The following MYO18B variants were observed in gnomAD, a reference collection of about 807,000 sequenced individuals.
MYO18B encodes myosin XVIIIB, also known as unconventional myosin-XVIIIb.
A neutral mutation model predicts 273.0 loss-of-function variants in MYO18B; 204 were observed. The ratio of observed to expected loss-of-function variants is 0.75; its 90% CI spans 0.67 to 0.84. The LOEUF is 0.84. Among genes scored for constraint, MYO18B ranks in the 40% least tolerant of loss-of-function variants. The probability of loss-of-function intolerance (pLI) is 0.00; values close to 1 mark genes in which losing one functional copy is unlikely to be tolerated. For missense variants in MYO18B, 3,212 were observed against 3,287.6 expected (o/e 0.98, Z 0.56); for synonymous variants, 1,330 against 1,305.7 (o/e 1.02, Z -0.40).
At chr22:25,956,997 G>A in intron 39 of MYO18B, among the ~76,000 whole-genome samples, 1 of 152,184 alleles carries the variant, frequency 6.6e-6, no homozygotes, top group East Asian at 1.9e-4. Flanking sequence ...CCCAGACAAA[G>A]TCCAGGCCTC....
At chr22:25,757,030 C>G (rs1007892312) in intron 1 of MYO18B, among the ~76,000 whole-genome samples, 1 of 151,950 alleles carries the variant, frequency 6.6e-6, no homozygotes, top group Non-Finnish European at 1.5e-5. Context: ...CACTGCTCTC[C>G]GACTTGGGCA....
At chr22:25,856,215 T>A (rs188451505) in intron 21 of MYO18B, among the ~76,000 whole-genome samples, 1 of 152,324 alleles carries the variant, frequency 6.6e-6, no homozygotes, top group African/African-American at 2.4e-5. Context: ...CTTGTTTTGT[T>A]TTTTTGATAG....
chr22:25,953,831 T>C (rs1407864840), intron 38 of MYO18B, among the ~76,000 whole-genome samples: 3 of 152,132 alleles, frequency 2.0e-5, no homozygotes, highest in African/African-American at 7.2e-5. Context: ...CCACTATGAT[T>C]TGAATTTAGT....
At chr22:25,903,960 G>C in intron 31 of MYO18B, 129 bp downstream of exon 31, 1 of 1,009,220 alleles carries the variant, frequency 9.9e-7, no homozygotes, top group Non-Finnish European at 1.4e-6. Flanking sequence ...TTATCCCAGG[G>C]AACCTTTAAG....
intron 34 of MYO18B, among the ~76,000 whole-genome samples, chr22:25,937,413 T>C (rs1337154050): frequency 6.6e-6 from 1 of 152,004 alleles, no homozygotes; most frequent in Non-Finnish European, 1.5e-5. Context: ...TGATAAGTGA[T>C]GGTCTGGAGC....
chr22:25,778,835 T>C (rs183483903), intron 8 of MYO18B, among the ~76,000 whole-genome samples: 2 of 151,030 alleles, frequency 1.3e-5, no homozygotes, highest in African/African-American at 4.9e-5. Flanking sequence ...ATAAGGTAGG[T>C]ATTATTATTT....
intron 42 of MYO18B, among the ~76,000 whole-genome samples, chr22:26,016,577 TCAGCCCAGGTGAGG>T (rs1450918019): frequency 1.3e-5 from 2 of 152,216 alleles, no homozygotes; most frequent in African/African-American, 2.4e-5. Context: ...TCTGAATTAT[TCAGCCCAGGTGAGG>T]CAGCCCTTTG....
Position 26,027,729 on chromosome 22 carries a change from G to A in MYO18B, c.*12+39G>A, listed in dbSNP as rs572268264. The A allele has an allele frequency of 3.4e-5, 52 of 1,531,920 alleles. No individual in the cohort carries two copies. In the East Asian group the frequency reaches 1.1e-3, roughly 32 times the overall value. 94.9% of individuals were successfully genotyped at this position (1,531,920 alleles called of 1,614,324 possible). A position where few individuals can be genotyped will look rare whatever the true frequency, so the allele number is the denominator to read the frequency against. ...GCTGGGGCTATTCTTGGGGGAATGAGAGTTCACCTTGCAGCCTTGGGGAGA... is the reference window on the plus strand; with the variant it reads ...GCTGGGGCTATTCTTGGGGGAATGAAAGTTCACCTTGCAGCCTTGGGGAGA... On this transcript the variant is annotated intron_variant, in intron 43 of 43. Coordinates refer to ENST00000335473, the MANE Select transcript of MYO18B (RefSeq NM_032608.7). The surrounding 1 kb of genome is among the most constrained non-coding windows in gnomAD (Gnocchi z 4.1).
intron 20 of MYO18B, among the ~76,000 whole-genome samples, chr22:25,848,893 A>C (rs1033037319): frequency 6.6e-6 from 1 of 152,134 alleles, no homozygotes; most frequent in Non-Finnish European, 1.5e-5. Flanking sequence ...GCCCTAGTGT[A>C]TGGTCGCTTC....
At chr22:25,853,369 C>G (rs2090479120) in intron 21 of MYO18B, among the ~76,000 whole-genome samples, 1 of 152,226 alleles carries the variant, frequency 6.6e-6, no homozygotes, top group African/African-American at 2.4e-5. Flanking sequence ...AGGCCACTTT[C>G]AGTAGACAAG....
intron 36 of MYO18B, among the ~76,000 whole-genome samples, 154 bp from the exon 37 acceptor site, chr22:25,950,213 G>T (rs1009441800): frequency 6.6e-5 from 10 of 152,322 alleles, no homozygotes; most frequent in East Asian, 1.9e-4. Context: ...AGGAGGATGT[G>T]AGAGGTAATT....
chr22:25,840,761 C>G (rs1268437115), intron 17 of MYO18B, among the ~76,000 whole-genome samples: 3 of 152,108 alleles, frequency 2.0e-5, no homozygotes, highest in Admixed American at 6.5e-5. Flanking sequence ...TAGGGTGAGG[C>G]TGGAGTGGGC....
rs59924200 is a variant in MYO18B, at chr22:26,000,581, C to CTTTT, written c.6288-2671_6288-2668dup. On this transcript the variant is annotated intron_variant, in intron 40 of 43. Transcript: ENST00000335473. ...CTCCCCACTGCTTCTGCCTGAAAGC[C>CTTTT]TTTTTTTTTTTTTTTTAAATCTCCT... 5.7e-3 allele frequency among the ~76,000 whole-genome samples: 818 copies of CTTTT among 144,204 alleles called. 6 individuals carry two copies. The highest frequency in any genetic ancestry group is 0.018 in the African/African-American group (705 of 38,912). The allele number at this position is 144,204 out of a possible 152,430, so 94.6% of individuals were successfully genotyped here.
At chr22:25,925,862 G>A (rs1056212658) in intron 34 of MYO18B, among the ~76,000 whole-genome samples, 4 of 133,512 alleles carry the variant, frequency 3.0e-5, no homozygotes, top group Non-Finnish European at 4.6e-5. Context: ...CTGAGATCGC[G>A]CCATTGCACT....
intron 40 of MYO18B, among the ~76,000 whole-genome samples, chr22:25,993,852 T>C (rs1932945308): frequency 6.6e-6 from 1 of 152,102 alleles, no homozygotes; most frequent in Admixed American, 6.5e-5. Context: ...GGAAAAAAAC[T>C]GGAAGAAATA....
chr22:26,042,646 G>A, the MYO18B span, among the ~76,000 whole-genome samples: 90 of 152,298 alleles, frequency 5.9e-4, no homozygotes, highest in African/African-American at 2.0e-3. Context: ...TAAATATCAG[G>A]ACAGTCTCTC....
intron 12 of MYO18B, among the ~76,000 whole-genome samples, chr22:25,820,876 T>C (rs6004776): frequency 0.066 from 10,057 of 152,212 alleles, 779 homozygotes; most frequent in East Asian, 0.21. Flanking sequence ...TATTCTGCTT[T>C]CTACTTTTAT....
At chr22:25,903,032 T>C (rs1646147354) in intron 30 of MYO18B, 1 of 323,180 alleles carries the variant, frequency 3.1e-6, no homozygotes, top group Middle Eastern at 1.0e-3. Context: ...GCTATAACCT[T>C]GTCCAGGAGC....
At position 25,843,916 on chromosome 22, in the gene MYO18B, G is replaced by C. The variant is rs1601323240; in HGVS notation, c.3368+22G>C. On this transcript the variant is annotated intron_variant, in intron 18 of 43. Coordinates refer to ENST00000335473, the MANE Select transcript of MYO18B (RefSeq NM_032608.7). Reference sequence around the variant, plus strand: ...AAAGGTGAGTTGGGTCAGGGTTGGGGACGGGGATGGAGCATTGGAGGCACT... The same window carrying C: ...AAAGGTGAGTTGGGTCAGGGTTGGGCACGGGGATGGAGCATTGGAGGCACT... 6 of 1,591,354 alleles carry C rather than the reference G, an allele frequency of 3.8e-6. No individual in the cohort carries two copies. In the East Asian group the frequency reaches 1.4e-4, roughly 36 times the overall value.
Sources: gnomAD v4.1 joint callset for allele counts (sites outside exome capture counted in the v4.1 genomes callset) on GRCh38, gnomAD v4.1.1 for gene constraint, Gnocchi (gnomAD v3.1) non-coding constraint, MANE v1.5 for transcripts, NCBI Gene and HGNC (gene_info 2026-07-23, HGNC 2026-07-21) for gene names.